Variants in OPCML observed in about 807,000 individuals in gnomAD.
OPCML encodes opioid binding protein/cell adhesion molecule like.
OPCML carries 13 observed loss-of-function variants against 37.8 expected under a neutral mutation model. The ratio of observed to expected loss-of-function variants is 0.34; its 90% CI spans 0.22 to 0.55. The LOEUF is 0.55. Ranked by LOEUF, OPCML falls within the 20% of genes least tolerant of loss-of-function variation. The pLI is 0.91. For missense variants in OPCML, 341 were observed against 435.6 expected, an observed-to-expected ratio of 0.78 and a Z score of 1.93; for synonymous variants, 176 against 168.8, an observed-to-expected ratio of 1.04 and a Z score of -0.33.
rs540994520 is a variant in OPCML, at chr11:132,596,130, C to T, written c.379+60957G>A. ...CATACATGACATAATCATGTCATGTCCATAGTGGCTTTGTGCAGACTGAAT... is the reference window on the plus strand; with the variant it reads ...CATACATGACATAATCATGTCATGTTCATAGTGGCTTTGTGCAGACTGAAT... On this transcript the variant is annotated intron_variant, in intron 3 of 7. Coordinates refer to ENST00000524381, the MANE Select transcript of OPCML (RefSeq NM_001012393.5). 3.3e-5 allele frequency among the ~76,000 whole-genome samples: 5 copies of T among 152,236 alleles called. No individual in the cohort carries two copies. In the East Asian group the frequency reaches 9.7e-4, roughly 29 times the overall value.
intron 2 of OPCML, among the ~76,000 whole-genome samples, chr11:132,931,969 A>G (rs191611058): frequency 6.6e-6 from 1 of 152,338 alleles, no homozygotes; most frequent in Admixed American, 6.5e-5. Context: ...ATGCTACAGC[A>G]TGGATGAACC....
At chr11:133,364,197 C>T (rs1944487565) in intron 1 of OPCML, among the ~76,000 whole-genome samples, 1 of 152,176 alleles carries the variant, frequency 6.6e-6, no homozygotes, top group Non-Finnish European at 1.5e-5. Context: ...AATTTTAGTT[C>T]AGTCACTTAA....
At chr11:133,225,309 G>A (rs1016862977) in intron 1 of OPCML, among the ~76,000 whole-genome samples, 6 of 152,140 alleles carry the variant, frequency 3.9e-5, no homozygotes, top group African/African-American at 1.4e-4. Flanking sequence ...CATAGTAACA[G>A]AAAACCACAG....
intron 4 of OPCML, among the ~76,000 whole-genome samples, chr11:132,500,343 C>G (rs749558191): frequency 6.6e-6 from 1 of 152,186 alleles, no homozygotes; most frequent in East Asian, 1.9e-4. Context: ...TTTACCAGAA[C>G]CTGAAAAATT....
chr11:133,021,708 T>A (rs1947458513), intron 1 of OPCML, among the ~76,000 whole-genome samples: 1 of 152,256 alleles, frequency 6.6e-6, no homozygotes, highest in South Asian at 2.1e-4. Flanking sequence ...GTGATCCTTA[T>A]CAGTCATTAG....
chr11:133,035,210 T>C (rs1003684052), intron 1 of OPCML, among the ~76,000 whole-genome samples: 1 of 152,222 alleles, frequency 6.6e-6, no homozygotes, highest in Non-Finnish European at 1.5e-5. Flanking sequence ...CCGGGCGGCT[T>C]GCCACCCTAT....
At chr11:132,568,048 G>A (rs775366605) in intron 3 of OPCML, among the ~76,000 whole-genome samples, 2,229 of 149,244 alleles carry the variant, frequency 0.015, 26 homozygotes, top group Non-Finnish European at 0.023. Context: ...GTGTGCGCGC[G>A]CGCGCGTGTG....
intron 2 of OPCML, among the ~76,000 whole-genome samples, chr11:132,884,106 G>C (rs1347973205): frequency 6.6e-6 from 1 of 152,126 alleles, no homozygotes; most frequent in East Asian, 1.9e-4. Context: ...ATTATAGCTG[G>C]GGTTATCCAT....
intron 1 of OPCML, among the ~76,000 whole-genome samples, chr11:132,953,139 T>C (rs1441202617): frequency 6.6e-6 from 1 of 152,198 alleles, no homozygotes; most frequent in Non-Finnish European, 1.5e-5. Flanking sequence ...TGCATGCATG[T>C]AACTTCTCTG....
chr11:133,497,257 T>A, intron 1 of OPCML, among the ~76,000 whole-genome samples: 1 of 152,184 alleles, frequency 6.6e-6, no homozygotes, highest in East Asian at 1.9e-4. Flanking sequence ...TTGAAGGCCT[T>A]TTCTTCAAGC....
At chr11:132,879,026 T>C (rs1943129160) in intron 2 of OPCML, among the ~76,000 whole-genome samples, 1 of 152,138 alleles carries the variant, frequency 6.6e-6, no homozygotes, top group Non-Finnish European at 1.5e-5. Context: ...TGACAAGAAG[T>C]ATTAGAACAA....
intron 1 of OPCML, among the ~76,000 whole-genome samples, chr11:133,236,608 C>T (rs185169506): frequency 7.2e-5 from 11 of 152,260 alleles, no homozygotes; most frequent in African/African-American, 2.4e-4. Context: ...ACCTGCTAGC[C>T]GTAATAAAGA....
intron 1 of OPCML, among the ~76,000 whole-genome samples, chr11:133,098,927 G>C (rs1949045322): frequency 6.6e-6 from 1 of 152,050 alleles, no homozygotes; most frequent in Non-Finnish European, 1.5e-5. Flanking sequence ...AAATACAGAA[G>C]AATCAACAAC....
chr11:133,521,397 A>G (rs1347279706), intron 1 of OPCML, among the ~76,000 whole-genome samples: 1 of 152,220 alleles, frequency 6.6e-6, no homozygotes, highest in Non-Finnish European at 1.5e-5. Flanking sequence ...CTTTAAAAAT[A>G]AGTAATTTCA....
chr11:132,941,759 A>G (rs769165823), intron 2 of OPCML, among the ~76,000 whole-genome samples: 20 of 152,218 alleles, frequency 1.3e-4, no homozygotes, highest in Non-Finnish European at 2.5e-4. Flanking sequence ...AAGAAGATCC[A>G]GCTAAGTATC....
chr11:133,356,691 A>T (rs962509492), intron 1 of OPCML, among the ~76,000 whole-genome samples: 1 of 152,198 alleles, frequency 6.6e-6, no homozygotes, highest in Non-Finnish European at 1.5e-5. Flanking sequence ...AATAGCTTTA[A>T]TTAAAGTCAT....
chr11:132,577,118 TTTGCAG>T (rs1175084277), intron 3 of OPCML, among the ~76,000 whole-genome samples: 1 of 152,196 alleles, frequency 6.6e-6, no homozygotes, highest in Non-Finnish European at 1.5e-5. Context: ...TGAGTCTGGT[TTTGCAG>T]TTGTCTGGAT....
intron 2 of OPCML, among the ~76,000 whole-genome samples, chr11:132,737,917 T>C (rs1381242062): frequency 6.6e-6 from 1 of 152,230 alleles, no homozygotes; most frequent in African/African-American, 2.4e-5. Flanking sequence ...TTGGTATCTC[T>C]ACGCTCAGAA....
chr11:132,509,642 G>A (rs2096264606), intron 4 of OPCML, among the ~76,000 whole-genome samples: 1 of 152,240 alleles, frequency 6.6e-6, no homozygotes, highest in African/African-American at 2.4e-5. Flanking sequence ...TCAGAGGGTG[G>A]AAATCCCAAG....
Sources: gnomAD v4.1 joint callset for allele counts (sites outside exome capture counted in the v4.1 genomes callset) on GRCh38, gnomAD v4.1.1 for gene constraint, MANE v1.5 for transcripts, NCBI Gene and HGNC (gene_info 2026-07-23, HGNC 2026-07-21) for gene names.